The following SEMA3E variants were observed in gnomAD, a reference collection of about 807,000 sequenced individuals.
SEMA3E encodes the protein semaphorin 3E.
A neutral mutation model predicts 93.6 loss-of-function variants in SEMA3E; 49 were observed. The observed-to-expected ratio is 0.52, with a 90% CI of 0.42 to 0.66. The LOEUF (loss-of-function observed/expected upper bound fraction) is 0.66, where lower values mean the gene tolerates loss of function less well. Among genes scored for constraint, SEMA3E ranks in the 30% least tolerant of loss-of-function variants. The pLI is 0.00. For synonymous variants in SEMA3E, 363 were observed against 330.7 expected (o/e 1.10, Z -1.06); for missense variants, 906 against 964.8 (o/e 0.94, Z 0.81).
At chr7:83,434,303 A>G (rs2115756933) in intron 4 of SEMA3E, among the ~76,000 whole-genome samples, 1 of 152,268 alleles carries the variant, frequency 6.6e-6, no homozygotes. Flanking sequence ...TTCTCTTACA[A>G]AGAAGACATT....
At chr7:83,571,377 G>C (rs1792282877) in intron 1 of SEMA3E, among the ~76,000 whole-genome samples, 1 of 152,176 alleles carries the variant, frequency 6.6e-6, no homozygotes, top group Non-Finnish European at 1.5e-5. Context: ...AATTCATAAT[G>C]ATCAAGTAGG....
At chr7:83,639,385 C>T (rs1360590869) in intron 1 of SEMA3E, among the ~76,000 whole-genome samples, 3 of 151,874 alleles carry the variant, frequency 2.0e-5, no homozygotes, top group African/African-American at 7.3e-5. Flanking sequence ...TCTGAACCTT[C>T]TAAAAAATAA....
At chr7:83,565,657 C>T (rs181688294) in intron 1 of SEMA3E, among the ~76,000 whole-genome samples, 2 of 152,236 alleles carry the variant, frequency 1.3e-5, no homozygotes, top group African/African-American at 4.8e-5. Flanking sequence ...ATTTAATATA[C>T]AAACTTAAAA....
intron 4 of SEMA3E, among the ~76,000 whole-genome samples, chr7:83,450,388 T>C (rs936879415): frequency 7.0e-6 from 1 of 142,172 alleles, no homozygotes; most frequent in African/African-American, 2.5e-5. Flanking sequence ...AGTGGGAAAG[T>C]AAATTGTGTT....
intron 4 of SEMA3E, among the ~76,000 whole-genome samples, chr7:83,427,109 C>G (rs1414324685): frequency 1.3e-5 from 2 of 152,102 alleles, no homozygotes; most frequent in African/African-American, 4.8e-5. Context: ...TTGAAGGTAA[C>G]GTGAAGATGC....
intron 4 of SEMA3E, among the ~76,000 whole-genome samples, chr7:83,421,491 A>C (rs1181867217): frequency 8.3e-6 from 1 of 120,586 alleles, no homozygotes; most frequent in Admixed American, 8.7e-5. Context: ...GTGTGGGTAA[A>C]AAAAGTAGTT....
At chr7:83,619,904 C>CAGACAGACAGACAGACAGACAGAT (rs71522672) in intron 1 of SEMA3E, among the ~76,000 whole-genome samples, 46 of 148,142 alleles carry the variant, frequency 3.1e-4, no homozygotes, top group East Asian at 9.9e-4. Context: ...GATAGATAGA[C>CAGACAGACAGACAGACAGACAGAT]AGATAGATAG....
At position 83,366,339 on chromosome 7, in the gene SEMA3E, T is replaced by G. The variant is rs1487963157; in HGVS notation, c.*1247A>C. Reference sequence around the variant, plus strand: ...AGGAAAGACTTTGATAAATAAACATTCTTAAAAATACAATTGTTTTTTATA... The same window carrying G: ...AGGAAAGACTTTGATAAATAAACATGCTTAAAAATACAATTGTTTTTTATA... On this transcript the variant is annotated 3_prime_UTR_variant, in exon 17 of 17. Coordinates refer to ENST00000643230, the MANE Select transcript of SEMA3E (RefSeq NM_012431.3). The G allele has an allele frequency of 6.6e-6, 1 of 151,996 alleles. No individual in the cohort carries two copies. The highest frequency in any genetic ancestry group is 1.5e-5 in the Non-Finnish European group (1 of 67,894). 9.4% of individuals were successfully genotyped at this position (151,996 alleles called of 1,614,324 possible). A position where few individuals can be genotyped will look rare whatever the true frequency, so the allele number is the denominator to read the frequency against.
intron 2 of SEMA3E, among the ~76,000 whole-genome samples, chr7:83,476,288 T>A (rs1217478690): frequency 6.6e-6 from 1 of 152,200 alleles, no homozygotes; most frequent in Non-Finnish European, 1.5e-5. Context: ...ACATGTTAAA[T>A]GAATAAAACA....
At chr7:83,380,576 C>G (rs186567014) in intron 16 of SEMA3E, among the ~76,000 whole-genome samples, 1 of 152,068 alleles carries the variant, frequency 6.6e-6, no homozygotes, top group East Asian at 1.9e-4. Flanking sequence ...AGATGTGGCT[C>G]AAATGTCATC....
chr7:83,504,454 G>A (rs758745825), intron 1 of SEMA3E, among the ~76,000 whole-genome samples: 18 of 152,078 alleles, frequency 1.2e-4, no homozygotes, highest in African/African-American at 3.4e-4. Flanking sequence ...GTTAAATTAC[G>A]TGCCTCAATT....
chr7:83,546,686 A>T (rs1359119861), intron 1 of SEMA3E, among the ~76,000 whole-genome samples: 1 of 152,072 alleles, frequency 6.6e-6, no homozygotes, highest in African/African-American at 2.4e-5. Context: ...CATGCTATCC[A>T]CTGAGTCTAG....
At chr7:83,598,395 G>A (rs546133198) in intron 1 of SEMA3E, among the ~76,000 whole-genome samples, 8 of 152,152 alleles carry the variant, frequency 5.3e-5, no homozygotes, top group South Asian at 2.1e-4. Flanking sequence ...TTATTCTGTC[G>A]GTCAATTTTA....
At chr7:83,524,991 C>T (rs34637330) in intron 1 of SEMA3E, among the ~76,000 whole-genome samples, 1 of 151,698 alleles carries the variant, frequency 6.6e-6, no homozygotes, top group African/African-American at 2.4e-5. Context: ...ATTGGCTACT[C>T]TTTCTTGGCT....
chr7:83,613,777 T>C (rs563242259), intron 1 of SEMA3E, among the ~76,000 whole-genome samples: 37 of 152,238 alleles, frequency 2.4e-4, no homozygotes, highest in African/African-American at 8.7e-4. Context: ...TTTTCATGTA[T>C]CTCTCTTATT....
chr7:83,566,029 C>G (rs1476148138), intron 1 of SEMA3E, among the ~76,000 whole-genome samples: 1 of 101,046 alleles, frequency 9.9e-6, no homozygotes, highest in Non-Finnish European at 1.9e-5. Context: ...TGGAGTCTCA[C>G]TCTGTTGCCC....
chr7:83,563,688 C>T (rs528184854), intron 1 of SEMA3E, among the ~76,000 whole-genome samples: 189 of 152,214 alleles, frequency 1.2e-3, no homozygotes, highest in Non-Finnish European at 2.9e-4. Context: ...CACCTGCCTC[C>T]TAGAAACTTA....
chr7:83,452,858 G>A (rs775477527), intron 4 of SEMA3E, among the ~76,000 whole-genome samples: 2 of 152,108 alleles, frequency 1.3e-5, no homozygotes, highest in Non-Finnish European at 2.9e-5. Context: ...TTTTAATGCC[G>A]TGGGGAACAC....
At chr7:83,477,314 A>G (rs1217918821) in intron 2 of SEMA3E, among the ~76,000 whole-genome samples, 1 of 151,970 alleles carries the variant, frequency 6.6e-6, no homozygotes, top group Non-Finnish European at 1.5e-5. Flanking sequence ...GTTTGCCTAT[A>G]TTTGGGGTTT....
Sources: gnomAD v4.1 joint callset for allele counts (sites outside exome capture counted in the v4.1 genomes callset) on GRCh38, gnomAD v4.1.1 for gene constraint, MANE v1.5 for transcripts, NCBI Gene and HGNC (gene_info 2026-07-23, HGNC 2026-07-21) for gene names.